The following TBC1D31 variants were observed in gnomAD, a reference collection of about 807,000 sequenced individuals.
TBC1D31 encodes the protein TBC1 domain family member 31, also known as WD repeat domain 67.
In TBC1D31, 99 loss-of-function variants were observed where a neutral mutation model predicts 132.9. That is an observed-to-expected ratio of 0.74 (90% CI 0.63 to 0.88). The LOEUF (loss-of-function observed/expected upper bound fraction) is 0.88, where lower values mean the gene tolerates loss of function less well. Among genes scored for constraint, TBC1D31 ranks in the 40% least tolerant of loss-of-function variants. The pLI, the probability that TBC1D31 is intolerant of heterozygous loss-of-function variation, is 0.00. For missense variants in TBC1D31, 1,134 were observed against 1,256.6 expected (o/e 0.90, Z 1.48); for synonymous variants, 385 against 419.4 (o/e 0.92, Z 1.00).
chr8:123,141,791 C>G (rs983066026), intron 18 of TBC1D31, among the ~76,000 whole-genome samples: 1 of 150,534 alleles, frequency 6.6e-6, no homozygotes, highest in African/African-American at 2.4e-5. Context: ...CCACCCATAC[C>G]CTAGCCGATA....
intron 2 of TBC1D31, 147 bp from the exon 3 acceptor site, chr8:123,082,555 A>C (rs1361849086): frequency 1.6e-6 from 1 of 611,050 alleles, no homozygotes; most frequent in African/African-American, 1.9e-5. Context: ...TTAATATGGC[A>C]CATAGCACCC....
At chr8:123,133,941 T>C (rs1203761046) in intron 16 of TBC1D31, among the ~76,000 whole-genome samples, 173 bp from the exon 17 acceptor site, 1 of 152,192 alleles carries the variant, frequency 6.6e-6, no homozygotes, top group Non-Finnish European at 1.5e-5. Flanking sequence ...TGAGAGATTA[T>C]TCCTAGGTTC....
intron 7 of TBC1D31, chr8:123,101,223 C>T (rs889072420): frequency 5.4e-5 from 24 of 444,720 alleles, no homozygotes; most frequent in Middle Eastern, 6.3e-4. Context: ...GGGACATCTC[C>T]GTTTGATGTC....
At chr8:123,074,264 C>A (rs1431527867) in intron 1 of TBC1D31, among the ~76,000 whole-genome samples, 1 of 152,046 alleles carries the variant, frequency 6.6e-6, no homozygotes, top group African/African-American at 2.4e-5. Flanking sequence ...TCGTGATCCA[C>A]CCACCTTGGC....
At chr8:123,159,932 G>T in the TBC1D31 span, among the ~76,000 whole-genome samples, 2 of 152,184 alleles carry the variant, frequency 1.3e-5, no homozygotes, top group Non-Finnish European at 2.9e-5. Flanking sequence ...CAGAAAAATT[G>T]CAAAGATAAT....
intron 1 of TBC1D31, among the ~76,000 whole-genome samples, chr8:123,073,862 T>A (rs1814193466): frequency 6.6e-6 from 1 of 150,388 alleles, no homozygotes; most frequent in African/African-American, 2.5e-5. Flanking sequence ...ATTTTTGTAT[T>A]TTTAGTAGAG....
In TBC1D31 at chr8:123,095,973, A is replaced by G. The variant is rs574743053; in HGVS notation, c.672-1309A>G. ...TAAATACCATCAACTCAACCAAACC[A>G]TATAGCAAATTGGTCAATTTGTTTT... is the stretch of plus-strand genomic sequence containing the variant. On this transcript the variant is annotated intron_variant, in intron 5 of 21. Coordinates refer to ENST00000287380, the MANE Select transcript of TBC1D31 (RefSeq NM_145647.4). Among the ~76,000 whole-genome samples, 4 of 152,258 alleles carry G rather than the reference A, an allele frequency of 2.6e-5. No individual in the cohort carries two copies. In the South Asian group the frequency reaches 8.3e-4, roughly 32 times the overall value.
chr8:123,141,036 A>G, intron 18 of TBC1D31, 135 bp downstream of exon 18: 1 of 777,736 alleles, frequency 1.3e-6, no homozygotes, highest in Non-Finnish European at 2.1e-6. Context: ...CACAGTTCCT[A>G]GAATCTCACA....
At chr8:123,119,987 C>A in intron 10 of TBC1D31, 68 bp from the exon 11 acceptor site, 1 of 1,346,042 alleles carries the variant, frequency 7.4e-7, no homozygotes, top group South Asian at 1.6e-5. Flanking sequence ...CTTTTTGTAT[C>A]AAATTTTTAT....
At chr8:123,081,497 G>A in intron 2 of TBC1D31, among the ~76,000 whole-genome samples, 1 of 152,258 alleles carries the variant, frequency 6.6e-6, no homozygotes, top group East Asian at 1.9e-4. Context: ...GGATTTTGAT[G>A]ACTTAATATG....
intron 10 of TBC1D31, among the ~76,000 whole-genome samples, chr8:123,112,748 C>T (rs1298307790): frequency 6.6e-6 from 1 of 152,122 alleles, no homozygotes; most frequent in Non-Finnish European, 1.5e-5. Flanking sequence ...GATGCTGAGT[C>T]AAAGGGTAAA....
At chr8:123,121,648 T>C (rs1819499558) in intron 11 of TBC1D31, among the ~76,000 whole-genome samples, 1 of 152,210 alleles carries the variant, frequency 6.6e-6, no homozygotes. Context: ...CTGTCGCTCC[T>C]GCTCTCTTCA....
intron 6 of TBC1D31, among the ~76,000 whole-genome samples, chr8:123,100,179 C>T (rs1252562866): frequency 6.6e-6 from 1 of 152,120 alleles, no homozygotes; most frequent in Non-Finnish European, 1.5e-5. Context: ...AGGGAAGATT[C>T]TTAGGGCACC....
the TBC1D31 span, among the ~76,000 whole-genome samples, chr8:123,162,384 T>C: frequency 6.6e-6 from 1 of 152,116 alleles, no homozygotes; most frequent in Non-Finnish European, 1.5e-5. Flanking sequence ...AATGGAAACC[T>C]GTTGAGAGTG....
At chr8:123,161,053 A>G in the TBC1D31 span, among the ~76,000 whole-genome samples, 2 of 152,074 alleles carry the variant, frequency 1.3e-5, no homozygotes, top group Admixed American at 6.5e-5. Flanking sequence ...GGGGCCGCGC[A>G]GGGAGGCTCC....
At chr8:123,084,107 T>A (rs1424180040) in intron 3 of TBC1D31, 55 bp from the exon 4 acceptor site, 2 of 1,465,302 alleles carry the variant, frequency 1.4e-6, no homozygotes, top group East Asian at 4.5e-5. Context: ...ATATGTAATG[T>A]TACTTCTAGA....
intron 8 of TBC1D31, 96 bp downstream of exon 8, chr8:123,105,560 A>T (rs1437555208): frequency 5.8e-6 from 6 of 1,031,056 alleles, no homozygotes; most frequent in Non-Finnish European, 8.1e-6. Context: ...CTTGGGAATT[A>T]AAGAAAGAGA....
Position 123,150,055 on chromosome 8 carries a change from T to G in TBC1D31, c.2994T>G (p.Asn998Lys), listed in dbSNP as rs1163206123. The G allele has an allele frequency of 6.2e-7, 1 of 1,614,036 alleles. No homozygotes were observed. The highest frequency in any genetic ancestry group is 1.1e-5 in the South Asian group (1 of 91,076). ...TAACAGAAGAACCCAGGTTCCAAAA[T>G]GAACAGGACTCAAGCTGTTTGCCTA... ...PCHKEEPRFQ[N>K]EQDSSCLPRT... The change falls in exon 21 of 22, where the codon AAT becomes AAG. Residue 998 changes from asparagine (N) to lysine (K), a missense_variant. By Grantham distance (94) the Asn-to-Lys change is moderately conservative (BLOSUM62 0). Transcript: ENST00000287380.
At chr8:123,102,338 T>A (rs1026126900) in intron 7 of TBC1D31, 5 of 437,238 alleles carry the variant, frequency 1.1e-5, no homozygotes, top group Non-Finnish European at 2.3e-5. Context: ...ATTGGGTGCA[T>A]TTGGAGTGGC....
Sources: gnomAD v4.1 joint callset for allele counts (sites outside exome capture counted in the v4.1 genomes callset) on GRCh38, gnomAD v4.1.1 for gene constraint, MANE v1.5 for transcripts, NCBI Gene and HGNC (gene_info 2026-07-23, HGNC 2026-07-21) for gene names.